The following COP1 variants were observed in gnomAD, a reference collection of about 807,000 sequenced individuals.
COP1 encodes the protein COP1 E3 ubiquitin ligase.
COP1 carries 24 observed loss-of-function variants against 101.3 expected under a neutral mutation model. The ratio of observed to expected loss-of-function variants is 0.24; its 90% CI spans 0.17 to 0.33. COP1 has a LOEUF of 0.33. COP1 is among the 10% of genes least tolerant of loss of function. COP1 has a pLI of 1.00. For synonymous variants in COP1, 347 were observed against 341.9 expected, an observed-to-expected ratio of 1.01 and a Z score of -0.17; for missense variants, 663 against 906.2, an observed-to-expected ratio of 0.73 and a Z score of 3.45.
intron 5 of COP1, among the ~76,000 whole-genome samples, chr1:176,154,977 A>C (rs1327223818): frequency 1.3e-5 from 2 of 152,202 alleles, no homozygotes; most frequent in Non-Finnish European, 2.9e-5. Context: ...CAAATCCTTG[A>C]AACAATTTCA....
intron 9 of COP1, among the ~76,000 whole-genome samples, chr1:176,088,771 G>A (rs1015848341): frequency 5.9e-5 from 9 of 152,000 alleles, no homozygotes; most frequent in South Asian, 2.1e-4. Flanking sequence ...CAAGTTGGGC[G>A]GATCACCTGA....
At chr1:176,149,301 C>A (rs1243694073) in intron 5 of COP1, among the ~76,000 whole-genome samples, 3 of 151,988 alleles carry the variant, frequency 2.0e-5, no homozygotes, top group Non-Finnish European at 4.4e-5. Flanking sequence ...TAAATTACAT[C>A]CCTTATCTAA....
At chr1:176,161,864 T>C (rs982375157) in intron 5 of COP1, among the ~76,000 whole-genome samples, 6 of 152,326 alleles carry the variant, frequency 3.9e-5, no homozygotes, top group African/African-American at 1.4e-4. Context: ...TTTCTCCTAC[T>C]AGAAGATCCC....
chr1:176,168,702 G>T (rs765356371), intron 3 of COP1: 2 of 334,790 alleles, frequency 6.0e-6, no homozygotes, highest in South Asian at 2.2e-5. Context: ...GGGAAAGAGA[G>T]CATTCAAAAC....
At chr1:176,036,083 T>C (rs1250773166) in intron 14 of COP1, among the ~76,000 whole-genome samples, 1 of 151,974 alleles carries the variant, frequency 6.6e-6, no homozygotes, top group Non-Finnish European at 1.5e-5. Flanking sequence ...ATACTAGTCA[T>C]GAAAATAATA....
chr1:176,037,563 C>A (rs1169450942), intron 14 of COP1, among the ~76,000 whole-genome samples: 4 of 148,644 alleles, frequency 2.7e-5, no homozygotes, highest in Admixed American at 1.3e-4. Flanking sequence ...AACAAACAAA[C>A]AAAAAAACCT....
At chr1:176,160,255 C>CTTTTT (rs67600151) in intron 5 of COP1, 42 of 238,860 alleles carry the variant, frequency 1.8e-4, no homozygotes, top group South Asian at 2.8e-4. Flanking sequence ...CCACACACAT[C>CTTTTT]TTTTTTTTTT....
intron 15 of COP1, among the ~76,000 whole-genome samples, chr1:175,999,915 A>G (rs1661187913): frequency 6.6e-6 from 1 of 152,068 alleles, no homozygotes; most frequent in African/African-American, 2.4e-5. Flanking sequence ...TCTTTTGAGA[A>G]ATGTCTATTC....
At chr1:175,952,181 G>A (rs1650015906) in intron 18 of COP1, among the ~76,000 whole-genome samples, 1 of 152,198 alleles carries the variant, frequency 6.6e-6, no homozygotes, top group African/African-American at 2.4e-5. Flanking sequence ...CAGCACTTTG[G>A]GAGGCCATGG....
chr1:176,114,364 A>C (rs756655861), intron 9 of COP1, among the ~76,000 whole-genome samples: 4 of 152,198 alleles, frequency 2.6e-5, no homozygotes, highest in Admixed American at 1.3e-4. Context: ...TGTACAGAGT[A>C]GTCACATAAA....
rs558761139 is a variant in COP1 at position 176,188,864 on chromosome 1, G to C, written c.408-4172C>G. Among the ~76,000 whole-genome samples, 379 of 149,616 alleles carry C rather than the reference G, an allele frequency of 2.5e-3. 3 individuals carry two copies. Among genetic ancestry groups the C allele is most frequent in the African/African-American group, 9.0e-3 (364 of 40,412 alleles). The stretch of plus-strand genomic sequence containing the variant: ...ACACACACACACACACACACAGACA[G>C]AGAACAAAGCATCCCAGAGTTGTGA... On this transcript the variant is annotated intron_variant, in intron 1 of 19. Coordinates refer to ENST00000367669, the MANE Select transcript of COP1 (RefSeq NM_022457.7).
At chr1:176,161,645 A>G (rs1490574636) in intron 5 of COP1, among the ~76,000 whole-genome samples, 1 of 152,084 alleles carries the variant, frequency 6.6e-6, no homozygotes, top group South Asian at 2.1e-4. Context: ...TCACCATGTG[A>G]AAATACCTGC....
intron 1 of COP1, among the ~76,000 whole-genome samples, chr1:176,197,030 A>T (rs1433307800): frequency 1.3e-5 from 2 of 152,146 alleles, no homozygotes; most frequent in Non-Finnish European, 2.9e-5. Flanking sequence ...CGCAAAAGAA[A>T]ATCCCTATAT....
At position 176,163,869 on chromosome 1, in the gene COP1, C is replaced by T; in HGVS notation, c.588G>A (p.Gln196=). 6.2e-7 allele frequency: 1 copy of T among 1,608,206 alleles called. No individual in the cohort carries two copies. The highest frequency in any genetic ancestry group is 1.8e-4 in the Middle Eastern group (1 of 5,636). Residue 196 remains glutamine (Q), a synonymous_variant, in exon 4 of 20, where the codon CAG becomes CAA. Transcript: ENST00000367669. ...NFLVNELILK[Q]KQRFEEKRFK... ...ACCTCTTTTCCTCAAATCTTTGCTT[C>T]TGTTTAAGAATGAGTTCATTCACTG...
chr1:176,059,299 G>A (rs1674430365), intron 11 of COP1, among the ~76,000 whole-genome samples: 1 of 151,950 alleles, frequency 6.6e-6, no homozygotes, highest in Non-Finnish European at 1.5e-5. Context: ...AATTATCTTT[G>A]TATGGCAATA....
At chr1:176,097,286 T>C (rs949759943) in intron 9 of COP1, among the ~76,000 whole-genome samples, 4 of 152,078 alleles carry the variant, frequency 2.6e-5, no homozygotes, top group Admixed American at 2.6e-4. Flanking sequence ...AATGCACACA[T>C]GAGAAGGAAG....
chr1:175,945,131 C>A lies in COP1; in HGVS notation c.*22G>T. 1 of 1,551,096 alleles carries A rather than the reference C, an allele frequency of 6.4e-7. No homozygotes were observed. The highest frequency in any genetic ancestry group is 8.9e-7 in the Non-Finnish European group (1 of 1,128,444). ...AGATGTATTTCAGCAGGATCAAGTA[C>A]AATTTGACTTGAGTTAACCCTTCAT... On this transcript the variant is annotated 3_prime_UTR_variant, in exon 20 of 20. Coordinates refer to ENST00000367669, the MANE Select transcript of COP1 (RefSeq NM_022457.7).
chr1:176,067,532 C>T (rs1028806054), intron 11 of COP1, among the ~76,000 whole-genome samples: 2 of 152,208 alleles, frequency 1.3e-5, no homozygotes, highest in East Asian at 1.9e-4. Context: ...TTGGCTGGGA[C>T]GGTTGGAAGA....
intron 1 of COP1, among the ~76,000 whole-genome samples, chr1:176,193,003 T>C (rs1472796707): frequency 2.6e-5 from 4 of 152,208 alleles, no homozygotes; most frequent in African/African-American, 9.6e-5. Flanking sequence ...GTATATTGCA[T>C]ATACCACTAC....
Sources: allele counts gnomAD v4.1 joint callset (sites outside exome capture counted in the v4.1 genomes callset), GRCh38; gene constraint gnomAD v4.1.1; transcripts MANE v1.5; gene names NCBI Gene and HGNC (gene_info 2026-07-23, HGNC 2026-07-21).